The following CCDC88A variants were observed in gnomAD, a reference collection of about 807,000 sequenced individuals.
The protein encoded by CCDC88A is girdin.
A neutral mutation model predicts 234.3 loss-of-function variants in CCDC88A; 54 were observed. The observed-to-expected ratio is 0.23, with a 90% CI of 0.19 to 0.29. The LOEUF is 0.29. Among genes scored for constraint, CCDC88A ranks in the 10% least tolerant of loss-of-function variants. The probability of loss-of-function intolerance (pLI) is 1.00; values close to 1 mark genes in which losing one functional copy is unlikely to be tolerated. For synonymous variants in CCDC88A, 753 were observed against 737.8 expected (o/e 1.02, Z -0.33); for missense variants, 1,832 against 2,123.4 (o/e 0.86, Z 2.70).
chr2:55,406,866 T>C (rs771460864), intron 2 of CCDC88A, among the ~76,000 whole-genome samples: 3 of 152,200 alleles, frequency 2.0e-5, no homozygotes, highest in African/African-American at 4.8e-5. Context: ...ATGTTATCGA[T>C]GATAATGTGA....
Position 55,334,822 on chromosome 2 carries a change from C to T in CCDC88A, c.1999G>A (p.Glu667Lys). Reference sequence around the variant, plus strand: ...AATTTTCTATTTTCTCTTTCTAGCTCTGAATTTTCTTGTTCTAAGGCCTCA... The same window carrying T: ...AATTTTCTATTTTCTCTTTCTAGCTTTGAATTTTCTTGTTCTAAGGCCTCA... The part of the protein sequence containing the change: ...KIEALEQENS[E>K]LERENRKLKK... Residue 667 changes from glutamate to lysine, a missense_variant, in exon 15 of 33, where the codon GAG becomes AAG. Coordinates refer to ENST00000436346, the MANE Select transcript of CCDC88A (RefSeq NM_001365480.1). This position sits in a 1 kb window ranked among gnomAD's most constrained non-coding sequence, Gnocchi z 6.1. 6.4e-7 allele frequency: 1 copy of T among 1,568,170 alleles called. No homozygotes were observed. The highest frequency in any genetic ancestry group is 1.2e-5 in the South Asian group (1 of 84,042).
In CCDC88A at chr2:55,360,469, T is replaced by C. The variant is rs748169863; in HGVS notation, c.627+1839A>G. Among the ~76,000 whole-genome samples the C allele has an allele frequency of 3.3e-5, 5 of 152,220 alleles. No homozygotes were observed. In the South Asian group the frequency reaches 1.0e-3, roughly 31 times the overall value. On this transcript the variant is annotated intron_variant, in intron 7 of 32. Transcript: ENST00000436346. ...AATTGAGGGAAAAAAATTTCCCGGA[T>C]AACTGGATATCTCTCCTCCACCCTC... is the stretch of plus-strand genomic sequence containing the variant.
intron 2 of CCDC88A, among the ~76,000 whole-genome samples, chr2:55,408,811 G>C (rs1469905700): frequency 6.6e-6 from 1 of 152,024 alleles, no homozygotes; most frequent in Non-Finnish European, 1.5e-5. Flanking sequence ...CAAGATCCAA[G>C]AACCCTCTCT....
At chr2:55,390,814 C>T (rs1017145298) in intron 2 of CCDC88A, among the ~76,000 whole-genome samples, 14 of 152,158 alleles carry the variant, frequency 9.2e-5, no homozygotes, top group Admixed American at 5.2e-4. Context: ...TAACAAAGGG[C>T]TCCAAAAATC....
chr2:55,392,315 C>T (rs1334581402), intron 2 of CCDC88A, among the ~76,000 whole-genome samples: 2 of 152,176 alleles, frequency 1.3e-5, no homozygotes, highest in East Asian at 1.9e-4. Context: ...ACCATTCCTG[C>T]TCCTTGATGA....
chr2:55,361,548 T>G (rs1446532152), intron 7 of CCDC88A, among the ~76,000 whole-genome samples: 2 of 152,222 alleles, frequency 1.3e-5, no homozygotes, highest in Non-Finnish European at 2.9e-5. Context: ...CTCTATGTAG[T>G]CTTTCATTGG....
intron 3 of CCDC88A, among the ~76,000 whole-genome samples, chr2:55,381,227 C>T (rs1055272691): frequency 3.9e-5 from 6 of 152,034 alleles, no homozygotes; most frequent in East Asian, 3.9e-4. Flanking sequence ...CTATGATGTT[C>T]GTACAATGAC....
chr2:55,363,139 A>C (rs188492840), intron 6 of CCDC88A, among the ~76,000 whole-genome samples: 10 of 152,100 alleles, frequency 6.6e-5, no homozygotes, highest in Admixed American at 6.5e-4. Flanking sequence ...CTATAATGGG[A>C]GACTACCTAT....
At chr2:55,359,185 T>C (rs1431682237) in intron 7 of CCDC88A, among the ~76,000 whole-genome samples, 3 of 152,140 alleles carry the variant, frequency 2.0e-5, no homozygotes, top group Admixed American at 6.5e-5. Flanking sequence ...TCTAATTTTA[T>C]CTAGCATAGT....
At position 55,402,366 on chromosome 2, in the gene CCDC88A, T is replaced by A. The variant is rs185940643; in HGVS notation, c.165-13480A>T. On this transcript the variant is annotated intron_variant, in intron 2 of 32. Transcript: ENST00000436346. ...GCATTCGGTGGTTGTGATACATTGT[T>A]TTGCTTTAAGTATAAGAAATATGAC... Among the ~76,000 whole-genome samples the A allele has an allele frequency of 2.0e-4, 31 of 152,298 alleles. No homozygotes were observed. In the East Asian group the frequency reaches 5.6e-3, roughly 27 times the overall value.
chr2:55,305,277 T>C (rs1211889656), intron 25 of CCDC88A, among the ~76,000 whole-genome samples: 1 of 152,240 alleles, frequency 6.6e-6, no homozygotes, highest in Non-Finnish European at 1.5e-5. Context: ...GAAGAAATGA[T>C]TCTTCTTATA....
Position 55,295,709 on chromosome 2 carries a change from T to C in CCDC88A, c.5439A>G (p.Glu1813=), listed in dbSNP as rs1243958590. The change falls in exon 31 of 33, where the codon GAA becomes GAG. Residue 1813 remains glutamate (E), a synonymous_variant. Coordinates refer to ENST00000436346, the MANE Select transcript of CCDC88A (RefSeq NM_001365480.1). ...PRASSVISTA[E]GTTRRTSIHD... ...GGATGCTTGTCCTTCGTGTAGTTCC[T>C]TCGGCAGTTGAGATCACGCTGCTTG... 5 of 1,614,212 alleles carry C rather than the reference T, an allele frequency of 3.1e-6. No individual in the cohort carries two copies. Among genetic ancestry groups the C allele is most frequent in the Admixed American group, 1.7e-5 (1 of 60,026 alleles).
intron 22 of CCDC88A, chr2:55,314,639 AG>A (rs1486910687): frequency 6.6e-6 from 1 of 152,386 alleles, no homozygotes; most frequent in East Asian, 1.9e-4. Context: ...TCCTGACCTC[AG>A]ATGATCCACC....
At chr2:55,295,009 T>C in intron 31 of CCDC88A, 1 of 1,206,030 alleles carries the variant, frequency 8.3e-7, no homozygotes, top group Non-Finnish European at 1.1e-6. Flanking sequence ...TCAAATCATA[T>C]TAGAGAAGCA....
Position 55,296,490 on chromosome 2 carries a change from C to G in CCDC88A, c.4859G>C (p.Ser1620Thr), listed in dbSNP as rs762113645. 12 of 1,614,186 alleles carry G rather than the reference C, an allele frequency of 7.4e-6. No homozygotes were observed. Among genetic ancestry groups the G allele is most frequent in the Non-Finnish European group, 9.3e-6 (11 of 1,180,024 alleles). Reference sequence around the variant, plus strand: ...CAGGCTAAATTCTCCACTGCTGTGGCTTTGTGGCCTGCTTTGGTTATTAAC... The same window carrying G: ...CAGGCTAAATTCTCCACTGCTGTGGGTTTGTGGCCTGCTTTGGTTATTAAC... Reference protein sequence around the residue: ...GAVNNQSRPQSHSSGEFSLLH... With the variant: ...GAVNNQSRPQTHSSGEFSLLH... Residue 1620 changes from serine (S) to threonine (T), a missense_variant, in exon 30 of 33, where the codon AGC (serine) becomes ACC (threonine). Ser to Thr is a moderately conservative substitution (Grantham distance 58). Transcript: ENST00000436346.
chr2:55,369,329 G>T (rs1311106690), intron 5 of CCDC88A, among the ~76,000 whole-genome samples: 2 of 151,996 alleles, frequency 1.3e-5, no homozygotes, highest in African/African-American at 4.8e-5. Context: ...CACCATGTCT[G>T]GCCTGAAATC....
At chr2:55,413,976 A>C (rs1057116305) in intron 2 of CCDC88A, among the ~76,000 whole-genome samples, 40 of 152,040 alleles carry the variant, frequency 2.6e-4, no homozygotes, top group African/African-American at 7.0e-4. Flanking sequence ...AACAAAAAAA[A>C]AAAACAAGCA....
At chr2:55,411,648 G>A (rs1222955791) in intron 2 of CCDC88A, among the ~76,000 whole-genome samples, 1 of 151,732 alleles carries the variant, frequency 6.6e-6, no homozygotes, top group Non-Finnish European at 1.5e-5. Flanking sequence ...GCACGGTGGT[G>A]GGCACCTTGT....
chr2:55,305,937 T>TG (rs1207827298), intron 25 of CCDC88A, among the ~76,000 whole-genome samples: 1 of 152,114 alleles, frequency 6.6e-6, no homozygotes, highest in Admixed American at 6.6e-5. Context: ...TTTTTTGAGA[T>TG]GGAGTCTCGC....
Sources: gnomAD v4.1 joint callset for allele counts (sites outside exome capture counted in the v4.1 genomes callset) on GRCh38, gnomAD v4.1.1 for gene constraint, Gnocchi (gnomAD v3.1) non-coding constraint, MANE v1.5 for transcripts, NCBI Gene and HGNC (gene_info 2026-07-23, HGNC 2026-07-21) for gene names.